Variants in RNF214 observed in about 807,000 individuals in gnomAD.
RNF214 encodes the protein ring finger protein 214.
In RNF214, 25 loss-of-function variants were observed where a neutral mutation model predicts 75.9. The ratio of observed to expected loss-of-function variants is 0.33; its 90% CI spans 0.24 to 0.46. RNF214 has a LOEUF of 0.46. RNF214 is among the 20% of genes least tolerant of loss of function. The probability of loss-of-function intolerance (pLI) is 1.00; values close to 1 mark genes in which losing one functional copy is unlikely to be tolerated. For missense variants in RNF214, 725 were observed against 857.5 expected, an observed-to-expected ratio of 0.85 and a Z score of 1.93; for synonymous variants, 314 against 308.8, an observed-to-expected ratio of 1.02 and a Z score of -0.18.
chr11:117,237,971 A>G (rs2032957180), intron 2 of RNF214, among the ~76,000 whole-genome samples: 1 of 152,242 alleles, frequency 6.6e-6, no homozygotes, highest in African/African-American at 2.4e-5. Context: ...TGATTATAAT[A>G]TTATGTATAA....
chr11:117,246,294 A>T (rs942663689), intron 5 of RNF214, among the ~76,000 whole-genome samples: 1 of 151,888 alleles, frequency 6.6e-6, no homozygotes, highest in African/African-American at 2.4e-5. Flanking sequence ...AAAAAAAAAA[A>T]GTGTGCGTTT....
rs2032996528 is a variant in RNF214, at chr11:117,239,016, G to A, written c.523G>A (p.Val175Met). ...CACAAGCTTGGATTTCCGACCTGTA[G>A]TGTCTCCAGCAAATGGGGTTGAAGG... The part of the protein sequence containing the change: ...RDTSLDFRPV[V>M]SPANGVEGVR... The change falls in exon 3 of 15, where the codon GTG (valine) becomes ATG (methionine). Residue 175 changes from valine (V) to methionine (M), a missense_variant. Val to Met is a conservative substitution (Grantham distance 21). This residue lies in a region of RNF214 where 362 missense variants were observed against 344.5 expected (regional missense o/e 1.05). Coordinates refer to ENST00000300650, the MANE Select transcript of RNF214 (RefSeq NM_207343.4). The A allele has an allele frequency of 1.2e-6, 2 of 1,614,076 alleles. No individual in the cohort carries two copies. The highest frequency in any genetic ancestry group is 2.7e-5 in the African/African-American group (2 of 74,932).
intron 6 of RNF214, among the ~76,000 whole-genome samples, chr11:117,258,757 CTCAG>C (rs2033588568): frequency 6.6e-6 from 1 of 152,106 alleles, no homozygotes; most frequent in African/African-American, 2.4e-5. Context: ...CTTGTGCCTT[CTCAG>C]TCAGTCCCTG....
intron 6 of RNF214, among the ~76,000 whole-genome samples, chr11:117,271,057 G>A (rs923016282): frequency 6.6e-6 from 1 of 151,930 alleles, no homozygotes; most frequent in African/African-American, 2.4e-5. Flanking sequence ...GTGCCACCAC[G>A]CTTGGCTAAT....
intron 6 of RNF214, among the ~76,000 whole-genome samples, chr11:117,261,453 G>T (rs11216339): frequency 0.012 from 1,750 of 152,032 alleles, 37 homozygotes; most frequent in African/African-American, 0.039. Flanking sequence ...GGTGGCAGGC[G>T]CCTGTAAACC....
At chr11:117,281,188 G>C in intron 8 of RNF214, 126 bp from the exon 9 acceptor site, 1 of 659,750 alleles carries the variant, frequency 1.5e-6, no homozygotes, top group Non-Finnish European at 2.8e-6. Context: ...TGCCCAGGCT[G>C]GTCTAGAACT....
intron 6 of RNF214, among the ~76,000 whole-genome samples, chr11:117,253,635 A>C (rs1283958191): frequency 6.6e-6 from 1 of 151,504 alleles, no homozygotes; most frequent in Non-Finnish European, 1.5e-5. Context: ...TGAGCCCAGG[A>C]GTTTGAGACC....
intron 6 of RNF214, among the ~76,000 whole-genome samples, chr11:117,262,715 G>GTGTGTA (rs1231811675): frequency 6.6e-6 from 1 of 150,456 alleles, no homozygotes; most frequent in Non-Finnish European, 1.5e-5. Context: ...CGTTGTGTGT[G>GTGTGTA]TGTGTGTGTG....
intron 6 of RNF214, among the ~76,000 whole-genome samples, chr11:117,263,521 G>A (rs1164594233): frequency 1.3e-5 from 2 of 152,034 alleles, no homozygotes; most frequent in Non-Finnish European, 2.9e-5. Flanking sequence ...TGATCCACCC[G>A]CCTCGGCCTC....
chr11:117,277,841 G>C (rs1480023406), intron 6 of RNF214, among the ~76,000 whole-genome samples: 1 of 151,996 alleles, frequency 6.6e-6, no homozygotes, highest in African/African-American at 2.4e-5. Context: ...TGCGCATGGT[G>C]GTGGGTGCCT....
intron 8 of RNF214, 79 bp from the exon 9 acceptor site, chr11:117,281,235 T>G: frequency 1.0e-6 from 1 of 980,984 alleles, no homozygotes; most frequent in South Asian, 1.3e-5. Context: ...TGGCCTCTTG[T>G]GCTGGGATTA....
chr11:117,234,550 C>G (rs188848789), intron 2 of RNF214, among the ~76,000 whole-genome samples, 171 bp downstream of exon 2: 1 of 152,188 alleles, frequency 6.6e-6, no homozygotes, highest in Admixed American at 6.5e-5. Context: ...GCACCTGATA[C>G]TCAGCAGGCA....
At chr11:117,234,191 C>T in intron 1 of RNF214, 76 bp from the exon 2 acceptor site, 1 of 1,054,856 alleles carries the variant, frequency 9.5e-7, no homozygotes, top group Non-Finnish European at 1.5e-6. Context: ...GTTGTGTGGA[C>T]ATTCTGAGGG....
intron 6 of RNF214, among the ~76,000 whole-genome samples, chr11:117,253,075 C>T (rs2033439553): frequency 6.6e-6 from 1 of 151,988 alleles, no homozygotes; most frequent in South Asian, 2.1e-4. Context: ...TGTAGTGGTA[C>T]AGTCATGGCT....
intron 6 of RNF214, among the ~76,000 whole-genome samples, chr11:117,267,436 G>A (rs2033818927): frequency 6.6e-6 from 1 of 152,070 alleles, no homozygotes; most frequent in South Asian, 2.1e-4. Context: ...TCTTGGTCAG[G>A]TGCAATGGCT....
In RNF214 at chr11:117,279,972, A is replaced by G. The variant is rs893056756; in HGVS notation, c.1024A>G (p.Met342Val). Reference sequence around the variant, plus strand: ...GGATGGCGAAATAAATAGGAACATTATGGAAGAGACTGAACGGGCCTGGAA... The same window carrying G: ...GGATGGCGAAATAAATAGGAACATTGTGGAAGAGACTGAACGGGCCTGGAA... ...NQDGEINRNI[M>V]EETERAWKAE... The change falls in exon 7 of 15, where the codon ATG becomes GTG. Residue 342 changes from methionine (M) to valine (V), a missense_variant. Physicochemically the swap from Met to Val is conservative, Grantham distance 21. Coordinates refer to ENST00000300650, the MANE Select transcript of RNF214 (RefSeq NM_207343.4). 1.2e-6 allele frequency: 2 copies of G among 1,613,498 alleles called. No individual in the cohort carries two copies. The highest frequency in any genetic ancestry group is 1.7e-6 in the Non-Finnish European group (2 of 1,179,820).
chr11:117,270,629 G>A (rs1315045859), intron 6 of RNF214, among the ~76,000 whole-genome samples: 1 of 150,872 alleles, frequency 6.6e-6, no homozygotes, highest in African/African-American at 2.4e-5. Flanking sequence ...TGTATTTTTA[G>A]TACAGACAGG....
chr11:117,234,870 C>A (rs2032857504), intron 2 of RNF214, among the ~76,000 whole-genome samples: 1 of 152,160 alleles, frequency 6.6e-6, no homozygotes, highest in Admixed American at 6.5e-5. Flanking sequence ...AGGACCCCTA[C>A]TGAGGATACC....
At position 117,282,171 on chromosome 11, in the gene RNF214, G is replaced by A. The variant is rs911884747; in HGVS notation, c.1613G>A (p.Gly538Asp). 2 of 1,613,898 alleles carry A rather than the reference G, an allele frequency of 1.2e-6. No homozygotes were observed. The highest frequency in any genetic ancestry group is 2.7e-5 in the African/African-American group (2 of 74,882). Residue 538 changes from glycine to aspartate, a missense_variant, in exon 11 of 15, where the codon GGC becomes GAC. Transcript: ENST00000300650. Reference sequence around the variant, plus strand: ...TCCATCCCACCTCCCCCAGGCTTGGGCGGTGTTAAGGCTTCTGCTGAAACT... The same window carrying A: ...TCCATCCCACCTCCCCCAGGCTTGGACGGTGTTAAGGCTTCTGCTGAAACT... ...AASIPPPPGL[G>D]GVKASAETPR...
Sources: gnomAD v4.1 joint callset for allele counts (sites outside exome capture counted in the v4.1 genomes callset) on GRCh38, gnomAD v4.1.1 for gene constraint, gnomAD v4.1.1 regional missense constraint, MANE v1.5 for transcripts, NCBI Gene and HGNC (gene_info 2026-07-23, HGNC 2026-07-21) for gene names.